PIK3R3: variants seen among roughly 807,000 people sequenced by gnomAD.
PIK3R3 encodes the protein phosphoinositide-3-kinase regulatory subunit 3.
PIK3R3 carries 64 observed loss-of-function variants against 62.9 expected under a neutral mutation model. That is an observed-to-expected ratio of 1.02 (90% CI 0.83 to 1.25). PIK3R3 has a LOEUF of 1.25. PIK3R3 is among the 50% of genes most tolerant of loss of function. The probability of loss-of-function intolerance (pLI) is 0.00; values close to 1 mark genes in which losing one functional copy is unlikely to be tolerated. For synonymous variants in PIK3R3, 165 were observed against 189.0 expected (o/e 0.87, Z 1.04); for missense variants, 614 against 561.6 (o/e 1.09, Z -0.94).
At chr1:46,170,523 C>A in the PIK3R3 span, among the ~76,000 whole-genome samples, 2 of 152,160 alleles carry the variant, frequency 1.3e-5, no homozygotes, top group Non-Finnish European at 2.9e-5. Flanking sequence ...CAGGTTCAAG[C>A]GATTCTCTTG....
At chr1:46,043,938 C>CAGA in intron 9 of PIK3R3, 67 bp from the exon 10 acceptor site, 1 of 1,344,782 alleles carries the variant, frequency 7.4e-7, no homozygotes, top group Non-Finnish European at 1.0e-6. Context: ...ACTAAATGGC[C>CAGA]AGAAGTCTGA....
intron 1 of PIK3R3, among the ~76,000 whole-genome samples, chr1:46,087,090 G>T (rs778943731): frequency 6.6e-6 from 1 of 152,154 alleles, no homozygotes; most frequent in Non-Finnish European, 1.5e-5. Flanking sequence ...ACACAGGGTG[G>T]GGAACATCAC....
chr1:46,100,437 T>C (rs1488544345), intron 1 of PIK3R3, among the ~76,000 whole-genome samples: 1 of 152,166 alleles, frequency 6.6e-6, no homozygotes, highest in Non-Finnish European at 1.5e-5. Context: ...ATGTATTAAG[T>C]TTCTTTATAT....
At chr1:46,171,684 G>A in the PIK3R3 span, among the ~76,000 whole-genome samples, 3 of 152,034 alleles carry the variant, frequency 2.0e-5, no homozygotes, top group African/African-American at 7.3e-5. Context: ...CTGTGCCTGA[G>A]TCAGACTCCC....
intron 3 of PIK3R3, among the ~76,000 whole-genome samples, chr1:46,071,759 A>AGAGAGAGCGAGCGAGCGAGC (rs777668187): frequency 4.0e-5 from 4 of 100,126 alleles, no homozygotes; most frequent in African/African-American, 1.4e-4. Context: ...AGAGAGAGAG[A>AGAGAGAGCGAGCGAGCGAGC]GCGCGCGCCT....
At chr1:46,174,143 T>C in the PIK3R3 span, among the ~76,000 whole-genome samples, 9 of 152,352 alleles carry the variant, frequency 5.9e-5, no homozygotes, top group Non-Finnish European at 1.0e-4. Flanking sequence ...TATCTGCTTA[T>C]AGTATGTGCT....
rs141724223 is a variant in PIK3R3 at position 46,131,942 on chromosome 1, G to A, written c.11C>T (p.Thr4Met). ...GTCATCGCGGTCCATACTCCACACCGTATTGTACATCGCGCTGTCAGGGGC... is the reference window on the plus strand; with the variant it reads ...GTCATCGCGGTCCATACTCCACACCATATTGTACATCGCGCTGTCAGGGGC... MYN[T>M]VWSMDRDDAD... The change falls in exon 1 of 10, where the codon ACG (threonine) becomes ATG (methionine). Residue 4 changes from threonine to methionine, a missense_variant. Thr to Met is a moderately conservative substitution (Grantham distance 81, BLOSUM62 -1). Coordinates refer to ENST00000262741, the MANE Select transcript of PIK3R3 (RefSeq NM_003629.4). 7 of 1,613,502 alleles carry A rather than the reference G, an allele frequency of 4.3e-6. No homozygotes were observed. The highest frequency in any genetic ancestry group is 5.9e-6 in the Non-Finnish European group (7 of 1,179,832).
At chr1:46,049,263 T>C (rs1557552064) in intron 7 of PIK3R3, among the ~76,000 whole-genome samples, 1 of 151,272 alleles carries the variant, frequency 6.6e-6, no homozygotes, top group Non-Finnish European at 1.5e-5. Flanking sequence ...AGGGAAAAAA[T>C]ATGTATTATA....
intron 3 of PIK3R3, among the ~76,000 whole-genome samples, chr1:46,074,739 A>C (rs867183183): frequency 3.9e-5 from 6 of 152,276 alleles, no homozygotes; most frequent in Middle Eastern, 3.4e-3. Context: ...ACTCATCAGA[A>C]TTTAGGAGCT....
rs1405109750 is a variant in PIK3R3 at position 46,066,189 on chromosome 1, T to A, written c.496-10A>T. The A allele has an allele frequency of 6.5e-7, 1 of 1,526,978 alleles. No homozygotes were observed. The highest frequency in any genetic ancestry group is 9.0e-7 in the Non-Finnish European group (1 of 1,116,260). The allele number at this position is 1,526,978 out of a possible 1,614,324, so 94.6% of individuals were successfully genotyped here. A position where few individuals can be genotyped will look rare whatever the true frequency, so the allele number is the denominator to read the frequency against. On this transcript the variant is annotated splice_polypyrimidine_tract_variant and intron_variant, in intron 4 of 9. Coordinates refer to ENST00000262741, the MANE Select transcript of PIK3R3 (RefSeq NM_003629.4). ...CTTTTACCAACTGATCCTATACAGG[T>A]AAAGAAAAAAATAAAGAATGTTAAC...
intron 6 of PIK3R3, among the ~76,000 whole-genome samples, chr1:46,061,495 C>T (rs1435000394): frequency 6.6e-6 from 1 of 152,152 alleles, no homozygotes; most frequent in East Asian, 1.9e-4. Context: ...TCGATGAGCA[C>T]CCATTATGTA....
At chr1:46,079,365 A>G (rs1650368026) in intron 2 of PIK3R3, among the ~76,000 whole-genome samples, 1 of 152,224 alleles carries the variant, frequency 6.6e-6, no homozygotes, top group Non-Finnish European at 1.5e-5. Flanking sequence ...CACTTTACCC[A>G]GAAAACAAAT....
chr1:46,081,856 G>C (rs1290051177), intron 1 of PIK3R3, among the ~76,000 whole-genome samples: 4 of 152,122 alleles, frequency 2.6e-5, no homozygotes, highest in Admixed American at 2.6e-4. Context: ...GAATGGGAGA[G>C]GCTATGTTAA....
At chr1:46,064,074 A>G (rs181570254) in intron 5 of PIK3R3, among the ~76,000 whole-genome samples, 2 of 152,078 alleles carry the variant, frequency 1.3e-5, no homozygotes, top group African/African-American at 4.8e-5. Context: ...TTAGCCAGAT[A>G]TGGTGGTGGA....
At chr1:46,120,300 G>A (rs1654549169) in intron 1 of PIK3R3, among the ~76,000 whole-genome samples, 3 of 152,176 alleles carry the variant, frequency 2.0e-5, no homozygotes, top group Admixed American at 6.5e-5. Context: ...AAATGTGGCT[G>A]GGCGCGGTGG....
intron 1 of PIK3R3, among the ~76,000 whole-genome samples, chr1:46,086,005 G>A (rs1242990007): frequency 6.6e-6 from 1 of 152,108 alleles, no homozygotes; most frequent in East Asian, 1.9e-4. Flanking sequence ...CTCCCAAAGT[G>A]CTGGGATTAT....
At chr1:46,149,515 T>C in the PIK3R3 span, among the ~76,000 whole-genome samples, 2 of 151,858 alleles carry the variant, frequency 1.3e-5, no homozygotes, top group Admixed American at 6.6e-5. Context: ...ATATGTTCTT[T>C]GTGTGTGTGT....
intron 1 of PIK3R3, among the ~76,000 whole-genome samples, chr1:46,110,254 G>A (rs528224797): frequency 7.3e-6 from 1 of 136,174 alleles, no homozygotes; most frequent in East Asian, 2.0e-4. Flanking sequence ...TGAGACTACA[G>A]GCACATGCCA....
intron 4 of PIK3R3, 137 bp downstream of exon 4, chr1:46,066,772 CAG>C: frequency 2.7e-6 from 2 of 743,240 alleles, no homozygotes; most frequent in Non-Finnish European, 2.3e-6. Flanking sequence ...GCCTGGGCAA[CAG>C]AGACCCTGTC....
Sources: gnomAD v4.1 joint callset for allele counts (sites outside exome capture counted in the v4.1 genomes callset) on GRCh38, gnomAD v4.1.1 for gene constraint, MANE v1.5 for transcripts, NCBI Gene and HGNC (gene_info 2026-07-23, HGNC 2026-07-21) for gene names.